Variants in GRIP1 observed in about 807,000 individuals in gnomAD.
GRIP1 encodes the protein glutamate receptor-interacting protein 1.
GRIP1 carries 45 observed loss-of-function variants against 129.9 expected under a neutral mutation model. The observed-to-expected ratio is 0.35, with a 90% CI of 0.27 to 0.44. GRIP1 has a LOEUF of 0.44. Among genes scored for constraint, GRIP1 ranks in the 20% least tolerant of loss-of-function variants. The pLI, the probability that GRIP1 is intolerant of heterozygous loss-of-function variation, is 1.00. For missense variants in GRIP1, 1,196 were observed against 1,396.8 expected, an observed-to-expected ratio of 0.86 and a Z score of 2.29; for synonymous variants, 530 against 520.8, an observed-to-expected ratio of 1.02 and a Z score of -0.24.
chr12:66,465,237 C>A lies in GRIP1; in HGVS notation c.872+38G>T, dbSNP rs550674529. Reference sequence around the variant, plus strand: ...TTGGGATTACAGGCGTGAGCCACTGCGCCTGGCGGAAAAGTAGGCACTTTC... The same window carrying A: ...TTGGGATTACAGGCGTGAGCCACTGAGCCTGGCGGAAAAGTAGGCACTTTC... On this transcript the variant is annotated intron_variant, in intron 8 of 24. Transcript: ENST00000359742. 9.0e-5 allele frequency: 143 copies of A among 1,594,376 alleles called. 1 individual carries two copies. The highest frequency in any genetic ancestry group is 7.7e-6 in the Non-Finnish European group (9 of 1,163,868).
At chr12:66,641,594 G>A (rs1486551158) in intron 1 of GRIP1, among the ~76,000 whole-genome samples, 2 of 152,160 alleles carry the variant, frequency 1.3e-5, no homozygotes, top group Non-Finnish European at 2.9e-5. Flanking sequence ...GGAGCAACTG[G>A]ATGAATTTAG....
intron 7 of GRIP1, among the ~76,000 whole-genome samples, chr12:66,473,455 C>T (rs1454772234): frequency 6.6e-6 from 1 of 152,224 alleles, no homozygotes; most frequent in Non-Finnish European, 1.5e-5. Flanking sequence ...AGCAGATCTC[C>T]CAGCACAGTG....
intron 1 of GRIP1, among the ~76,000 whole-genome samples, chr12:67,045,344 T>C (rs1396885124): frequency 6.6e-6 from 1 of 152,174 alleles, no homozygotes; most frequent in East Asian, 1.9e-4. Flanking sequence ...TGCTGAGTTT[T>C]AAGAAAGCAG....
At chr12:66,578,911 C>A (rs12822414) in intron 2 of GRIP1, among the ~76,000 whole-genome samples, 37,365 of 152,050 alleles carry the variant, frequency 0.25, 4,720 homozygotes, top group Admixed American at 0.28. Flanking sequence ...AGCAGTGGTT[C>A]TCCCAGCACG....
chr12:66,453,564 C>T (rs752344552), intron 11 of GRIP1, among the ~76,000 whole-genome samples: 5 of 152,102 alleles, frequency 3.3e-5, no homozygotes, highest in South Asian at 2.1e-4. Context: ...ATATTTAGGC[C>T]GATGACAGTT....
intron 2 of GRIP1, among the ~76,000 whole-genome samples, chr12:66,589,949 T>TACA (rs1252151121): frequency 6.6e-6 from 1 of 152,228 alleles, no homozygotes; most frequent in Non-Finnish European, 1.5e-5. Flanking sequence ...TGAAGTCACC[T>TACA]ACAACCCTAG....
chr12:66,929,408 C>A (rs1401348673), intron 1 of GRIP1, among the ~76,000 whole-genome samples: 1 of 152,172 alleles, frequency 6.6e-6, no homozygotes, highest in Non-Finnish European at 1.5e-5. Flanking sequence ...TATAAAATTA[C>A]CTTATGTACA....
intron 1 of GRIP1, among the ~76,000 whole-genome samples, chr12:66,923,170 T>C (rs1258051651): frequency 6.6e-6 from 1 of 152,170 alleles, no homozygotes; most frequent in East Asian, 1.9e-4. Flanking sequence ...TATCAGGTTG[T>C]ATGACTTCCT....
At chr12:66,946,588 A>G (rs189406954) in intron 1 of GRIP1, among the ~76,000 whole-genome samples, 3 of 151,954 alleles carry the variant, frequency 2.0e-5, no homozygotes, top group East Asian at 3.9e-4. Context: ...AGAATGGAAG[A>G]CTGGCTAAAA....
rs760972488 is a variant in GRIP1 at position 66,455,556 on chromosome 12, C to T, written c.1207G>A (p.Val403Met). Reference protein sequence around the residue: ...APPPNSPPALVSSSFSPTSMS... With the variant: ...APPPNSPPALMSSSFSPTSMS... ...GAGGTAGGAGAGAAGGATGAAGACACCAAAGCTGCTGCAAGAGAGTGAAGA... is the reference window on the plus strand; with the variant it reads ...GAGGTAGGAGAGAAGGATGAAGACATCAAAGCTGCTGCAAGAGAGTGAAGA... Residue 403 changes from valine to methionine, a missense_variant, in exon 11 of 25, where the codon GTG becomes ATG. Physicochemically the swap from Val to Met is conservative, Grantham distance 21. This residue lies in a region of GRIP1 where 508 missense variants were observed against 587.0 expected (regional missense o/e 0.87). Transcript: ENST00000359742. 6.2e-6 allele frequency: 10 copies of T among 1,613,846 alleles called. No individual in the cohort carries two copies. In the East Asian group the frequency reaches 1.3e-4, roughly 22 times the overall value.
chr12:66,524,230 T>C (rs2061138066), intron 5 of GRIP1, among the ~76,000 whole-genome samples: 1 of 152,196 alleles, frequency 6.6e-6, no homozygotes, highest in African/African-American at 2.4e-5. Flanking sequence ...TATACATTTT[T>C]TTCAGCACCA....
chr12:66,970,754 T>C (rs573918599), intron 1 of GRIP1, among the ~76,000 whole-genome samples: 1 of 152,148 alleles, frequency 6.6e-6, no homozygotes, highest in African/African-American at 2.4e-5. Context: ...GGGCCTATGT[T>C]GCTGTACTGT....
chr12:66,834,940 G>A (rs564552129), intron 1 of GRIP1, among the ~76,000 whole-genome samples: 10 of 148,786 alleles, frequency 6.7e-5, no homozygotes, highest in African/African-American at 2.5e-4. Context: ...AAAAAAAGGG[G>A]GGGGGGCAGG....
At chr12:66,747,343 A>G (rs2036980772) in intron 1 of GRIP1, among the ~76,000 whole-genome samples, 1 of 152,214 alleles carries the variant, frequency 6.6e-6, no homozygotes, top group South Asian at 2.1e-4. Flanking sequence ...TGCTGCCTAC[A>G]CAATCCAAGA....
At chr12:66,453,434 A>G (rs745605714) in intron 11 of GRIP1, among the ~76,000 whole-genome samples, 2 of 152,164 alleles carry the variant, frequency 1.3e-5, no homozygotes, top group South Asian at 2.1e-4. Context: ...AATACCCACC[A>G]CAAACCCTGA....
chr12:66,454,648 C>T (rs1047999023), intron 11 of GRIP1, among the ~76,000 whole-genome samples: 3 of 152,178 alleles, frequency 2.0e-5, no homozygotes, highest in Non-Finnish European at 4.4e-5. Flanking sequence ...AAGCAAGTAG[C>T]CAACTATATC....
At chr12:66,764,813 C>T (rs1205676079) in intron 1 of GRIP1, among the ~76,000 whole-genome samples, 1 of 152,180 alleles carries the variant, frequency 6.6e-6, no homozygotes, top group Non-Finnish European at 1.5e-5. Context: ...AAAGCCACTG[C>T]TGTGTTCTCC....
At chr12:66,447,270 C>T (rs73317220) in intron 11 of GRIP1, among the ~76,000 whole-genome samples, 11,835 of 152,188 alleles carry the variant, frequency 0.078, 1,259 homozygotes, top group African/African-American at 0.23. Context: ...ATGGGATTTT[C>T]CTATACCCTA....
intron 1 of GRIP1, among the ~76,000 whole-genome samples, chr12:66,606,820 G>A (rs1027894777): frequency 2.0e-5 from 3 of 152,110 alleles, no homozygotes; most frequent in African/African-American, 7.2e-5. Context: ...CAATGTAATT[G>A]CACAGGTACA....
Sources: allele counts gnomAD v4.1 joint callset (sites outside exome capture counted in the v4.1 genomes callset), GRCh38; gene constraint gnomAD v4.1.1; regional missense constraint gnomAD v4.1.1; transcripts MANE v1.5; gene names NCBI Gene and HGNC (gene_info 2026-07-23, HGNC 2026-07-21).